TIAM2: variants seen among roughly 807,000 people sequenced by gnomAD.
TIAM2 encodes rho guanine nucleotide exchange factor TIAM2.
TIAM2 carries 80 observed loss-of-function variants against 152.9 expected under a neutral mutation model. That is an observed-to-expected ratio of 0.52 (90% confidence interval 0.44 to 0.63). The LOEUF (loss-of-function observed/expected upper bound fraction) is 0.63, where lower values mean the gene tolerates loss of function less well. Among genes scored for constraint, TIAM2 ranks in the 30% least tolerant of loss-of-function variants. TIAM2 has a pLI of 0.00. For missense variants in TIAM2, 1,965 were observed against 2,120.1 expected (o/e 0.93, Z 1.44); for synonymous variants, 804 against 838.0 (o/e 0.96, Z 0.70).
intron 2 of TIAM2, among the ~76,000 whole-genome samples, chr6:155,118,687 G>T (rs1487605600): frequency 1.3e-5 from 2 of 151,886 alleles, no homozygotes; most frequent in African/African-American, 4.8e-5. Context: ...TGCCTGCCTT[G>T]GCCTCTCAGT....
At chr6:155,112,576 C>T (rs1339132029) in intron 2 of TIAM2, among the ~76,000 whole-genome samples, 2 of 152,102 alleles carry the variant, frequency 1.3e-5, no homozygotes, top group Non-Finnish European at 2.9e-5. Flanking sequence ...AGAACCCATC[C>T]AGTTTGTGTT....
intron 1 of TIAM2, among the ~76,000 whole-genome samples, chr6:155,071,609 A>G (rs1177270448): frequency 6.6e-6 from 1 of 152,208 alleles, no homozygotes; most frequent in East Asian, 1.9e-4. Context: ...TACACCTGAA[A>G]GTAAAGAATT....
intron 5 of TIAM2, among the ~76,000 whole-genome samples, chr6:155,143,943 G>A (rs935296824): frequency 1.3e-5 from 2 of 152,110 alleles, no homozygotes; most frequent in Non-Finnish European, 2.9e-5. Flanking sequence ...CTAAGCAGGA[G>A]CTACAGATAA....
intron 1 of TIAM2, among the ~76,000 whole-genome samples, chr6:155,016,518 ATT>A (rs1778588492): frequency 9.2e-6 from 1 of 108,290 alleles, no homozygotes; most frequent in Non-Finnish European, 2.0e-5. Context: ...TTTAAATGGT[ATT>A]TACATTTAAA....
At chr6:155,215,569 T>C (rs977612858) in intron 15 of TIAM2, among the ~76,000 whole-genome samples, 3 of 152,206 alleles carry the variant, frequency 2.0e-5, no homozygotes, top group Non-Finnish European at 4.4e-5. Context: ...ACCTAGCAGT[T>C]ACTCAGTTTC....
At chr6:155,242,451 G>C (rs1015294169) in intron 16 of TIAM2, among the ~76,000 whole-genome samples, 3 of 152,168 alleles carry the variant, frequency 2.0e-5, no homozygotes, top group East Asian at 3.9e-4. Context: ...TTCTCTGAGC[G>C]GTCTGGCGTG....
intron 15 of TIAM2, among the ~76,000 whole-genome samples, chr6:155,231,952 G>A (rs1334309174): frequency 2.6e-5 from 4 of 152,214 alleles, no homozygotes; most frequent in South Asian, 4.2e-4. Flanking sequence ...TTGGTGGCAC[G>A]CACCTGTAAT....
chr6:155,079,573 A>G (rs577235061), intron 1 of TIAM2, among the ~76,000 whole-genome samples: 1 of 152,266 alleles, frequency 6.6e-6, no homozygotes, highest in Non-Finnish European at 1.5e-5. Context: ...TATAGTCAGT[A>G]CAGCTGGGGG....
At chr6:155,068,696 A>G (rs1562306741) in intron 1 of TIAM2, among the ~76,000 whole-genome samples, 1 of 151,358 alleles carries the variant, frequency 6.6e-6, no homozygotes, top group Non-Finnish European at 1.5e-5. Context: ...ACCTCAGGTG[A>G]TCCGTCCGCC....
Position 155,127,601 on chromosome 6 carries a change from G to T in TIAM2, c.-7+1G>T, listed in dbSNP as rs983818383. 6 of 455,910 alleles carry T rather than the reference G, an allele frequency of 1.3e-5. No individual in the cohort carries two copies. The highest frequency in any genetic ancestry group is 2.2e-5 in the Non-Finnish European group (5 of 226,798). 28.2% of individuals were successfully genotyped at this position (455,910 alleles called of 1,614,324 possible). ...CCTCACAGCAGAAACTAGACGTCAG[G>T]TAAACCCAACCCTTGTGCCTGGGGG... On this transcript the variant is annotated splice_donor_variant, in intron 3 of 26. Coordinates refer to ENST00000682666, the MANE Select transcript of TIAM2 (RefSeq NM_012454.4). LOFTEE classifies it low-confidence loss of function (5UTR_SPLICE).
chr6:155,251,469 T>A (rs1427138676), intron 22 of TIAM2, among the ~76,000 whole-genome samples: 2 of 152,048 alleles, frequency 1.3e-5, no homozygotes, highest in Admixed American at 6.6e-5. Flanking sequence ...GTATTTTTAG[T>A]AGAGATGGGG....
chr6:155,029,505 AATAT>A (rs1491485212), intron 1 of TIAM2, among the ~76,000 whole-genome samples: 1 of 28,336 alleles, frequency 3.5e-5, no homozygotes, highest in South Asian at 8.8e-4. Context: ...TATTATATAT[AATAT>A]ATACTATATA....
intron 5 of TIAM2, among the ~76,000 whole-genome samples, chr6:155,140,193 T>G (rs1311167241): frequency 1.3e-5 from 2 of 152,154 alleles, no homozygotes; most frequent in African/African-American, 2.4e-5. Flanking sequence ...GCTGGTTGTT[T>G]CCCTCCTTGT....
rs2115012992 is a variant in TIAM2 at position 155,114,238 on chromosome 6, A to G, written c.-117-13252A>G. Reference sequence around the variant, plus strand: ...CCAGCTAATATTTGTATTTTTTTGTAGAGATGGGGTTTCACTGTGTTGGCC... The same window carrying G: ...CCAGCTAATATTTGTATTTTTTTGTGGAGATGGGGTTTCACTGTGTTGGCC... On this transcript the variant is annotated intron_variant, in intron 2 of 26. Transcript: ENST00000682666. Among the ~76,000 whole-genome samples, 2 of 150,796 alleles carry G rather than the reference A, an allele frequency of 1.3e-5. 1 individual carries two copies. The highest frequency in any genetic ancestry group is 4.2e-4 in the South Asian group (2 of 4,752).
intron 1 of TIAM2, among the ~76,000 whole-genome samples, chr6:155,031,456 C>A (rs953539690): frequency 4.6e-5 from 7 of 152,118 alleles, no homozygotes; most frequent in Non-Finnish European, 8.8e-5. Flanking sequence ...GGAGTGGTGG[C>A]TCATGCCTCT....
chr6:155,049,849 A>G (rs1777280702), intron 1 of TIAM2, among the ~76,000 whole-genome samples: 1 of 152,160 alleles, frequency 6.6e-6, no homozygotes, highest in South Asian at 2.1e-4. Flanking sequence ...ATGTATCTGA[A>G]ATACATGTCA....
At chr6:155,074,372 A>T (rs1777906711) in intron 1 of TIAM2, among the ~76,000 whole-genome samples, 1 of 151,404 alleles carries the variant, frequency 6.6e-6, no homozygotes, top group Non-Finnish European at 1.5e-5. Flanking sequence ...TTGTTTTTTG[A>T]GGTGGAGTCT....
At chr6:155,163,750 C>G (rs1370547938) in intron 7 of TIAM2, among the ~76,000 whole-genome samples, 1 of 152,180 alleles carries the variant, frequency 6.6e-6, no homozygotes, top group African/African-American at 2.4e-5. Flanking sequence ...AGTTTAGGAT[C>G]AGGGACTGTA....
intron 1 of TIAM2, among the ~76,000 whole-genome samples, chr6:155,039,741 GC>G (rs1776986832): frequency 1.3e-5 from 2 of 152,182 alleles, no homozygotes; most frequent in Non-Finnish European, 2.9e-5. Flanking sequence ...TGAAGCTTAA[GC>G]TTCATGAGTT....
Sources: gnomAD v4.1 joint callset for allele counts (sites outside exome capture counted in the v4.1 genomes callset) on GRCh38, gnomAD v4.1.1 for gene constraint, MANE v1.5 for transcripts, NCBI Gene and HGNC (gene_info 2026-07-23, HGNC 2026-07-21) for gene names.